The following AGBL1 variants were observed in gnomAD, a reference collection of about 807,000 sequenced individuals.
AGBL1 encodes AGBL carboxypeptidase 1.
AGBL1 carries 130 observed loss-of-function variants against 118.9 expected under a neutral mutation model. The ratio of observed to expected loss-of-function variants is 1.09; its 90% CI spans 0.95 to 1.26. AGBL1 has a LOEUF of 1.26. AGBL1 is among the 50% of genes most tolerant of loss of function. The pLI, the probability that AGBL1 is intolerant of heterozygous loss-of-function variation, is 0.00. For missense variants in AGBL1, 1,584 were observed against 1,298.1 expected (o/e 1.22, Z -3.38); for synonymous variants, 555 against 478.9 (o/e 1.16, Z -2.08).
chr15:86,747,089 G>T (rs2077768822), intron 22 of AGBL1, among the ~76,000 whole-genome samples: 1 of 152,012 alleles, frequency 6.6e-6, no homozygotes, highest in South Asian at 2.1e-4. Flanking sequence ...CCGAGCATAT[G>T]CACCCCAGGA....
chr15:86,886,670 T>C (rs1223545064), intron 22 of AGBL1, among the ~76,000 whole-genome samples: 2 of 152,176 alleles, frequency 1.3e-5, no homozygotes, highest in Non-Finnish European at 2.9e-5. Flanking sequence ...TGATCATGGA[T>C]GTTTTTATGG....
intron 22 of AGBL1, among the ~76,000 whole-genome samples, chr15:86,710,095 G>A (rs949800162): frequency 1.1e-4 from 17 of 152,098 alleles, no homozygotes; most frequent in Non-Finnish European, 2.1e-4. Context: ...CTAGAACAAA[G>A]GTACTAAATA....
intron 21 of AGBL1, among the ~76,000 whole-genome samples, chr15:86,650,102 C>G (rs955104740): frequency 6.6e-6 from 1 of 152,082 alleles, no homozygotes; most frequent in African/African-American, 2.4e-5. Flanking sequence ...ATATCTAGTT[C>G]TTTTTGTGGC....
chr15:86,821,074 G>T (rs2078936645), intron 22 of AGBL1, among the ~76,000 whole-genome samples: 1 of 151,912 alleles, frequency 6.6e-6, no homozygotes, highest in Non-Finnish European at 1.5e-5. Context: ...CAAACTAATG[G>T]GAACAGAAAA....
rs991329266 is a variant in AGBL1, at chr15:86,317,406, G to A, written c.2374+21998G>A. 2.0e-5 allele frequency among the ~76,000 whole-genome samples: 3 copies of A among 152,328 alleles called. No individual in the cohort carries two copies. In the East Asian group the frequency reaches 5.8e-4, roughly 29 times the overall value. Reference sequence around the variant, plus strand: ...AGGGAGAGATAAATAAAGAAGCAATGAGAGAAAGGAAGAATCCTTTCCAAA... The same window carrying A: ...AGGGAGAGATAAATAAAGAAGCAATAAGAGAAAGGAAGAATCCTTTCCAAA... On this transcript the variant is annotated intron_variant, in intron 17 of 22. Coordinates refer to ENST00000614907, the MANE Select transcript of AGBL1 (RefSeq NM_001386094.1).
chr15:86,500,348 A>C (rs2082903677), intron 18 of AGBL1, among the ~76,000 whole-genome samples: 1 of 151,858 alleles, frequency 6.6e-6, no homozygotes, highest in African/African-American at 2.4e-5. Context: ...GATTCACACA[A>C]GAAACTGGAA....
chr15:86,983,098 G>T (rs2081247976), intron 23 of AGBL1, among the ~76,000 whole-genome samples: 1 of 151,784 alleles, frequency 6.6e-6, no homozygotes, highest in Non-Finnish European at 1.5e-5. Flanking sequence ...TGTGATAATT[G>T]GTGTCTTATT....
chr15:86,867,337 C>T lies in AGBL1; in HGVS notation c.3159-39750C>T, dbSNP rs536151048. Among the ~76,000 whole-genome samples the T allele has an allele frequency of 3.3e-5, 5 of 152,254 alleles. No homozygotes were observed. The South Asian group carries it at 6.2e-4, about 19-fold the overall frequency. On this transcript the variant is annotated intron_variant, in intron 22 of 22. Transcript: ENST00000614907. ...CAATTTTCCTTTTGCCAAGAGTTGACATTATGCTAACTTTACATTTTACAA... is the reference window on the plus strand; with the variant it reads ...CAATTTTCCTTTTGCCAAGAGTTGATATTATGCTAACTTTACATTTTACAA...
chr15:86,925,720 CTTTT>C (rs375125663), intron 23 of AGBL1, among the ~76,000 whole-genome samples: 9 of 131,984 alleles, frequency 6.8e-5, no homozygotes, highest in Middle Eastern at 4.2e-3. Flanking sequence ...TTTTTCTTTT[CTTTT>C]TTTTTTTTTT....
At chr15:86,099,001 T>G (rs949879656) in intron 1 of AGBL1, among the ~76,000 whole-genome samples, 43 of 152,308 alleles carry the variant, frequency 2.8e-4, no homozygotes, top group African/African-American at 9.9e-4. Context: ...CAATGTTTTG[T>G]AGTTTTCCCT....
intron 22 of AGBL1, among the ~76,000 whole-genome samples, chr15:86,823,226 G>T (rs1055065897): frequency 2.2e-4 from 34 of 152,196 alleles, no homozygotes; most frequent in African/African-American, 7.9e-4. Flanking sequence ...GCTGCTAATG[G>T]AACCTAAATA....
intron 17 of AGBL1, among the ~76,000 whole-genome samples, chr15:86,298,447 CCAGTATAAA>C (rs2079693552): frequency 6.7e-6 from 1 of 149,858 alleles, no homozygotes; most frequent in South Asian, 2.1e-4. Context: ...AAAACCCAGC[CCAGTATAAA>C]CACTGCCTAC....
At chr15:86,497,773 AC>A (rs2082871603) in intron 18 of AGBL1, among the ~76,000 whole-genome samples, 1 of 151,930 alleles carries the variant, frequency 6.6e-6, no homozygotes, top group Non-Finnish European at 1.5e-5. Flanking sequence ...ATTCAGAGCT[AC>A]CTGGTGCACC....
intron 5 of AGBL1, among the ~76,000 whole-genome samples, chr15:86,161,414 A>G (rs528683506): frequency 6.6e-6 from 1 of 152,326 alleles, no homozygotes; most frequent in East Asian, 1.9e-4. Flanking sequence ...ACCGGAAAAT[A>G]AATTGAAACT....
At chr15:86,661,931 C>T (rs970411931) in intron 21 of AGBL1, among the ~76,000 whole-genome samples, 3 of 152,172 alleles carry the variant, frequency 2.0e-5, no homozygotes, top group African/African-American at 7.2e-5. Context: ...TTTCTTCGTT[C>T]AACTTCCACT....
intron 5 of AGBL1, among the ~76,000 whole-genome samples, chr15:86,179,382 G>T (rs1031416892): frequency 6.6e-6 from 1 of 152,136 alleles, no homozygotes; most frequent in Non-Finnish European, 1.5e-5. Flanking sequence ...GATATTTGTT[G>T]CAAGAATGCA....
At chr15:86,436,523 C>G (rs1389062625) in intron 18 of AGBL1, among the ~76,000 whole-genome samples, 1 of 152,106 alleles carries the variant, frequency 6.6e-6, no homozygotes, top group Non-Finnish European at 1.5e-5. Flanking sequence ...GAAACTCTAG[C>G]TCATGCCATC....
At chr15:86,925,193 A>AG (rs1189534482) in intron 23 of AGBL1, among the ~76,000 whole-genome samples, 6 of 118,758 alleles carry the variant, frequency 5.1e-5, no homozygotes, top group Admixed American at 8.5e-5. Context: ...GAGGAAGAAA[A>AG]GAAGAAAAGA....
chr15:86,591,319 G>T lies in AGBL1; in HGVS notation c.2994+36782G>T, dbSNP rs547962711. Among the ~76,000 whole-genome samples the T allele has an allele frequency of 2.0e-5, 3 of 152,254 alleles. No homozygotes were observed. In the South Asian group the frequency reaches 6.2e-4, roughly 32 times the overall value. ...ACACACCAACCACTGGACACCTGCT[G>T]GATGTCCTCTAATTCAATTCAGTTC... On this transcript the variant is annotated intron_variant, in intron 21 of 22. Coordinates refer to ENST00000614907, the MANE Select transcript of AGBL1 (RefSeq NM_001386094.1).
Sources: gnomAD v4.1 joint callset for allele counts (sites outside exome capture counted in the v4.1 genomes callset) on GRCh38, gnomAD v4.1.1 for gene constraint, MANE v1.5 for transcripts, NCBI Gene and HGNC (gene_info 2026-07-23, HGNC 2026-07-21) for gene names.